The following CMSS1 variants were observed in gnomAD, a reference collection of about 807,000 sequenced individuals.
CMSS1 encodes protein CMSS1.
CMSS1 carries 33 observed loss-of-function variants against 43.5 expected under a neutral mutation model. The ratio of observed to expected loss-of-function variants is 0.76; its 90% CI spans 0.57 to 1.01. CMSS1 has a LOEUF of 1.01. Ranked by LOEUF, CMSS1 falls within the 50% of genes least tolerant of loss-of-function variation. CMSS1 has a pLI of 0.00. For synonymous variants in CMSS1, 115 were observed against 117.2 expected, an observed-to-expected ratio of 0.98 and a Z score of 0.12; for missense variants, 313 against 326.4, an observed-to-expected ratio of 0.96 and a Z score of 0.32.
chr3:99,974,645 T>G (rs1490790434), intron 1 of CMSS1, among the ~76,000 whole-genome samples: 3 of 151,984 alleles, frequency 2.0e-5, no homozygotes, highest in African/African-American at 7.3e-5. Context: ...AGGCGGAGGT[T>G]GTGATGAGCC....
intron 1 of CMSS1, among the ~76,000 whole-genome samples, chr3:100,001,819 G>A (rs1177927208): frequency 6.6e-6 from 1 of 152,202 alleles, no homozygotes; most frequent in Non-Finnish European, 1.5e-5. Context: ...AATAATTAAA[G>A]GGATGGGTGT....
At chr3:100,025,996 G>A (rs1009658284) in intron 1 of CMSS1, among the ~76,000 whole-genome samples, 7 of 152,082 alleles carry the variant, frequency 4.6e-5, no homozygotes, top group African/African-American at 9.7e-5. Flanking sequence ...ACCTTACCTC[G>A]CTCCCAGGCA....
chr3:99,830,336 T>C (rs1942629001), intron 1 of CMSS1: 1 of 358,864 alleles, frequency 2.8e-6, no homozygotes, highest in Non-Finnish European at 5.6e-6. Context: ...AGATGGTCCT[T>C]TGGCCTTTCA....
In CMSS1 at chr3:100,181,223, G is replaced by A. The variant is rs550656839; in HGVS notation, c.*2835G>A. On this transcript the variant is annotated 3_prime_UTR_variant, in exon 10 of 10. Coordinates refer to ENST00000421999, the MANE Select transcript of CMSS1 (RefSeq NM_032359.4). ...CATCAGCAGGGTAGTGGTAGAAAGA[G>A]CATCAAGTGAATTTGGCCCTTTGTA... The A allele has an allele frequency of 2.0e-5, 3 of 152,296 alleles. No homozygotes were observed. In the South Asian group the frequency reaches 6.2e-4, roughly 32 times the overall value. The allele number at this position is 152,296 out of a possible 1,614,324, so 9.4% of individuals were successfully genotyped here. A position where few individuals can be genotyped will look rare whatever the true frequency, so the allele number is the denominator to read the frequency against.
intron 1 of CMSS1, among the ~76,000 whole-genome samples, chr3:100,010,778 A>ATTTTTTT (rs11371196): frequency 2.6e-4 from 24 of 93,662 alleles, no homozygotes; most frequent in South Asian, 4.0e-4. Flanking sequence ...CCACGCCCGG[A>ATTTTTTT]TTTTTTTTTT....
At chr3:100,078,520 C>CTGGGCCACATTGCAAGAATTGTCT (rs1373574152) in intron 1 of CMSS1, among the ~76,000 whole-genome samples, 4 of 152,068 alleles carry the variant, frequency 2.6e-5, no homozygotes, top group Non-Finnish European at 5.9e-5. Context: ...TTTGGCTTCC[C>CTGGGCCACATTGCAAGAATTGTCT]TGGGCCACAT....
At chr3:99,822,849 C>A (rs1228063867) in intron 1 of CMSS1, among the ~76,000 whole-genome samples, 3 of 152,276 alleles carry the variant, frequency 2.0e-5, no homozygotes, top group African/African-American at 7.2e-5. Context: ...ATTTAATCTT[C>A]CCAAGTACAC....
chr3:100,174,618 C>T (rs1032833273), intron 8 of CMSS1, among the ~76,000 whole-genome samples: 11 of 152,110 alleles, frequency 7.2e-5, no homozygotes, highest in African/African-American at 2.7e-4. Flanking sequence ...TGCCTACATA[C>T]AAAGTGTTTA....
At chr3:99,897,716 T>C (rs572535622) in intron 1 of CMSS1, among the ~76,000 whole-genome samples, 2 of 152,224 alleles carry the variant, frequency 1.3e-5, no homozygotes, top group African/African-American at 2.4e-5. Flanking sequence ...TAGTTTATTA[T>C]ATTTTTTGTC....
chr3:99,885,695 T>A lies in CMSS1; in HGVS notation c.64+67652T>A, dbSNP rs185974623. Among the ~76,000 whole-genome samples, 472 of 152,348 alleles carry A rather than the reference T, an allele frequency of 3.1e-3. 4 individuals are homozygous for A. Among genetic ancestry groups the A allele is most frequent in the African/African-American group, 0.011 (446 of 41,590 alleles). On this transcript the variant is annotated intron_variant, in intron 1 of 9. Transcript: ENST00000421999. The stretch of plus-strand genomic sequence containing the variant: ...TATATCTCTGTCATCTATTTGTGGC[T>A]ACTATGTGTTGAAACTTTGTGGAAC...
Position 99,867,741 on chromosome 3 carries a change from C to G in CMSS1, c.64+49698C>G, listed in dbSNP as rs1225989552. On this transcript the variant is annotated intron_variant, in intron 1 of 9. Transcript: ENST00000421999. Reference sequence around the variant, plus strand: ...TTTAGAGTCCTTTCCTCCCTTCTTTCCTATATAACACTGTATACAAATTCA... The same window carrying G: ...TTTAGAGTCCTTTCCTCCCTTCTTTGCTATATAACACTGTATACAAATTCA... Among the ~76,000 whole-genome samples the G allele has an allele frequency of 2.0e-5, 3 of 152,144 alleles. No individual in the cohort carries two copies. The East Asian group carries it at 5.8e-4, about 29-fold the overall frequency.
At chr3:100,007,368 A>G (rs1000150773) in intron 1 of CMSS1, among the ~76,000 whole-genome samples, 6 of 152,172 alleles carry the variant, frequency 3.9e-5, no homozygotes, top group African/African-American at 1.2e-4. Context: ...TCTGCCCACA[A>G]AACAGATTTT....
Position 100,145,140 on chromosome 3 carries a change from C to A in CMSS1, c.65-1833C>A, listed in dbSNP as rs538715514. ...TAGGCTTTTTTTCTCATGCTACACA[C>A]TTAAGAGTATACATATTAGGCTGGG... On this transcript the variant is annotated intron_variant, in intron 1 of 9. Transcript: ENST00000421999. 1.8e-4 allele frequency among the ~76,000 whole-genome samples: 28 copies of A among 152,186 alleles called. No individual in the cohort carries two copies. The South Asian group carries it at 4.8e-3, about 26-fold the overall frequency.
chr3:100,070,891 A>G (rs2065750104), intron 1 of CMSS1, among the ~76,000 whole-genome samples: 1 of 152,160 alleles, frequency 6.6e-6, no homozygotes, highest in Admixed American at 6.5e-5. Context: ...TTGACCTCCC[A>G]AAGTGCTAGG....
intron 1 of CMSS1, among the ~76,000 whole-genome samples, chr3:99,996,037 T>C (rs1317434595): frequency 2.0e-5 from 3 of 152,228 alleles, no homozygotes; most frequent in African/African-American, 7.2e-5. Flanking sequence ...TGGCTTGAAT[T>C]CCGCCTCAGA....
chr3:99,852,756 A>G (rs776723531), intron 1 of CMSS1, among the ~76,000 whole-genome samples: 149 of 152,106 alleles, frequency 9.8e-4, no homozygotes, highest in Non-Finnish European at 1.8e-3. Flanking sequence ...AGAACATTTT[A>G]AAAGGAAACT....
At chr3:99,933,456 T>A (rs1010848284) in intron 1 of CMSS1, among the ~76,000 whole-genome samples, 1 of 152,218 alleles carries the variant, frequency 6.6e-6, no homozygotes, top group Admixed American at 6.5e-5. Flanking sequence ...TGTGTGTATA[T>A]CTATTTATTT....
chr3:99,952,105 T>A (rs181772112), intron 1 of CMSS1, among the ~76,000 whole-genome samples: 82 of 152,150 alleles, frequency 5.4e-4, no homozygotes, highest in African/African-American at 1.9e-3. Flanking sequence ...ATATATAGAT[T>A]TGGCACAGGC....
chr3:100,057,942 C>T (rs757951830), intron 1 of CMSS1, among the ~76,000 whole-genome samples: 1 of 152,162 alleles, frequency 6.6e-6, no homozygotes, highest in Non-Finnish European at 1.5e-5. Context: ...CTAAATCTTT[C>T]GACATCGTGA....
Sources: gnomAD v4.1 joint callset for allele counts (sites outside exome capture counted in the v4.1 genomes callset) on GRCh38, gnomAD v4.1.1 for gene constraint, MANE v1.5 for transcripts, NCBI Gene and HGNC (gene_info 2026-07-23, HGNC 2026-07-21) for gene names.